DENND10: variants seen among roughly 807,000 people sequenced by gnomAD.
DENND10 encodes DENN domain containing 10, also known as DENN domain-containing protein 10.
A neutral mutation model predicts 43.6 loss-of-function variants in DENND10; 24 were observed. That is an observed-to-expected ratio of 0.55 (90% CI 0.40 to 0.77). The LOEUF is 0.77. DENND10 is among the 30% of genes least tolerant of loss of function. DENND10 has a pLI of 0.00. For synonymous variants in DENND10, 125 were observed against 157.6 expected (o/e 0.79, Z 1.55); for missense variants, 303 against 429.9 (o/e 0.70, Z 2.61).
intron 6 of DENND10, among the ~76,000 whole-genome samples, chr10:119,124,317 G>A (rs1268062613): frequency 3.3e-5 from 5 of 150,190 alleles, no homozygotes; most frequent in African/African-American, 1.2e-4. Flanking sequence ...CCTGAGCTCA[G>A]GAGTTTGAGA....
chr10:119,137,467 T>C lies in DENND10; in HGVS notation c.*820T>C, dbSNP rs879049065. The C allele has an allele frequency of 6.0e-6, 1 of 166,730 alleles. No homozygotes were observed. The highest frequency in any genetic ancestry group is 1.5e-5 in the Non-Finnish European group (1 of 68,084). 10.3% of individuals were successfully genotyped at this position (166,730 alleles called of 1,614,324 possible). ...ATTGCTAAGGGAATATGAGATTAAC[T>C]TCCTACAGGGGCCAAAACCAGAGAA... On this transcript the variant is annotated 3_prime_UTR_variant, in exon 9 of 9. Transcript: ENST00000361432.
At chr10:119,128,391 C>T (rs971223274) in intron 6 of DENND10, among the ~76,000 whole-genome samples, 4 of 151,698 alleles carry the variant, frequency 2.6e-5, no homozygotes, top group Admixed American at 1.3e-4. Context: ...AGGCGGATCA[C>T]GAGGTCAGGA....
intron 3 of DENND10, among the ~76,000 whole-genome samples, chr10:119,116,652 T>C (rs925091786): frequency 1.1e-5 from 1 of 92,434 alleles, no homozygotes; most frequent in Non-Finnish European, 2.1e-5. Flanking sequence ...CTTTTTCTTT[T>C]CTTTCTTTCT....
rs1345112096 is a variant in DENND10, at chr10:119,104,157, G to A, written c.15G>A (p.Glu5=). 4 of 1,519,544 alleles carry A rather than the reference G, an allele frequency of 2.6e-6. No homozygotes were observed. Among genetic ancestry groups the A allele is most frequent in the Non-Finnish European group, 2.6e-6 (3 of 1,135,384 alleles). The allele number at this position is 1,519,544 out of a possible 1,614,324, so 94.1% of individuals were successfully genotyped here. The change falls in exon 1 of 9, where the codon GAG becomes GAA. Residue 5 remains glutamate, a synonymous_variant. Coordinates refer to ENST00000361432, the MANE Select transcript of DENND10 (RefSeq NM_207009.4). MAAA[E]VADTQLMLGV... ...GGCGGCGGAAGATGGCTGCGGCCGAGGTGGCGGACACTCAGCTGATGCTTG... is the reference window on the plus strand; with the variant it reads ...GGCGGCGGAAGATGGCTGCGGCCGAAGTGGCGGACACTCAGCTGATGCTTG...
intron 4 of DENND10, among the ~76,000 whole-genome samples, chr10:119,118,448 C>T (rs1845401395): frequency 6.6e-6 from 1 of 152,168 alleles, no homozygotes; most frequent in African/African-American, 2.4e-5. Flanking sequence ...ATGCAGACAG[C>T]TCAGGCCTAA....
intron 2 of DENND10, among the ~76,000 whole-genome samples, chr10:119,111,621 AT>A (rs1348536068): frequency 6.6e-6 from 1 of 151,906 alleles, no homozygotes; most frequent in Non-Finnish European, 1.5e-5. Flanking sequence ...ATTTCTGAAA[AT>A]TTTTTCTCTA....
chr10:119,135,733 A>C (rs1190248698), intron 8 of DENND10, among the ~76,000 whole-genome samples: 6 of 142,410 alleles, frequency 4.2e-5, no homozygotes, highest in African/African-American at 1.6e-4. Flanking sequence ...ATGGTTGTGC[A>C]ACGCTGCAAA....
In DENND10 at chr10:119,132,639, A is replaced by G. The variant is rs1278269552; in HGVS notation, c.897+30A>G. The G allele has an allele frequency of 1.9e-6, 3 of 1,571,260 alleles. No homozygotes were observed. The African/African-American group carries it at 4.0e-5, about 21-fold the overall frequency. On this transcript the variant is annotated intron_variant, in intron 8 of 8. Coordinates refer to ENST00000361432, the MANE Select transcript of DENND10 (RefSeq NM_207009.4). The surrounding 1 kb of genome is among the most constrained non-coding windows in gnomAD (Gnocchi z 4.2). ...CTCCCTCACCTTCTGACTTACTGAA[A>G]GTCCTGACCCGGTGTCGCTGGGTGG...
chr10:119,117,428 C>A, intron 3 of DENND10, 91 bp from the exon 4 acceptor site: 1 of 1,382,966 alleles, frequency 7.2e-7, no homozygotes, highest in South Asian at 1.4e-5. Flanking sequence ...GCCTCGGATT[C>A]TTGAGAAGGC....
intron 2 of DENND10, among the ~76,000 whole-genome samples, chr10:119,109,811 A>C (rs1054555732): frequency 2.7e-5 from 4 of 150,284 alleles, no homozygotes; most frequent in Admixed American, 2.7e-4. Flanking sequence ...TTTAACTTCA[A>C]TTTTTAATTT....
Position 119,117,560 on chromosome 10 carries a change from G to A in DENND10, c.374G>A (p.Ser125Asn). 2 of 1,613,270 alleles carry A rather than the reference G, an allele frequency of 1.2e-6. No individual in the cohort carries two copies. Among genetic ancestry groups the A allele is most frequent in the Non-Finnish European group, 1.7e-6 (2 of 1,179,578 alleles). ...KHGSPVKMME[S>N]YIAVLTKGIC... ...GGGAGCCCAGTTAAAATGATGGAGA[G>A]TTATATTGCAGTTCTCACAAAGGGG... The change falls in exon 4 of 9, where the codon AGT becomes AAT. Residue 125 changes from serine to asparagine, a missense_variant. Transcript: ENST00000361432.
At chr10:119,121,442 G>T (rs912203493) in intron 5 of DENND10, among the ~76,000 whole-genome samples, 37 of 142,248 alleles carry the variant, frequency 2.6e-4, no homozygotes, top group African/African-American at 9.6e-4. Context: ...CAGCCATTAG[G>T]TCCTTTTTTT....
intron 4 of DENND10, among the ~76,000 whole-genome samples, chr10:119,118,697 G>A (rs572175731): frequency 1.3e-5 from 2 of 152,124 alleles, no homozygotes; most frequent in East Asian, 3.9e-4. Flanking sequence ...TTGAGACAGG[G>A]TCTTGCTTTG....
chr10:119,132,802 T>C lies in DENND10; in HGVS notation c.897+193T>C. On this transcript the variant is annotated intron_variant, in intron 8 of 8. Transcript: ENST00000361432. The surrounding 1 kb of genome is among the most constrained non-coding windows in gnomAD (Gnocchi z 4.2). ...AGGCTGGCCTGATCTAGTTAGTTAC[T>C]GGGCTCGAGGGCAGGTATACACAGG... 1 of 592,282 alleles carries C rather than the reference T, an allele frequency of 1.7e-6. No homozygotes were observed. 36.7% of individuals were successfully genotyped at this position (592,282 alleles called of 1,614,324 possible).
chr10:119,114,810 C>T (rs1845167095), intron 3 of DENND10, among the ~76,000 whole-genome samples: 1 of 151,370 alleles, frequency 6.6e-6, no homozygotes, highest in Non-Finnish European at 1.5e-5. Flanking sequence ...CACTCTGTCA[C>T]CCAGGCTGGA....
chr10:119,117,446 C>T (rs1479755239), intron 3 of DENND10, 73 bp from the exon 4 acceptor site: 38 of 1,514,900 alleles, frequency 2.5e-5, no homozygotes, highest in Non-Finnish European at 2.3e-5. Flanking sequence ...GGCACCCATA[C>T]CAGCCTGGGT....
At chr10:119,113,368 A>G (rs1258421620) in intron 3 of DENND10, among the ~76,000 whole-genome samples, 1 of 148,764 alleles carries the variant, frequency 6.7e-6, no homozygotes, top group Non-Finnish European at 1.5e-5. Flanking sequence ...TAAAAAATAT[A>G]TATATATTTT....
chr10:119,125,322 A>C (rs1845774160), intron 6 of DENND10, among the ~76,000 whole-genome samples: 1 of 150,926 alleles, frequency 6.6e-6, no homozygotes, highest in Non-Finnish European at 1.5e-5. Context: ...TTTTTTTTTC[A>C]TCTTAACTTT....
rs569499525 is a variant in DENND10, at chr10:119,135,467, G to A, written c.898-1004G>A. Among the ~76,000 whole-genome samples, 3 of 151,278 alleles carry A rather than the reference G, an allele frequency of 2.0e-5. No homozygotes were observed. In the East Asian group the frequency reaches 5.8e-4, roughly 29 times the overall value. ...GAATGTTTTGAATGTGGCTTTTGTTGGGGGGGAGAAAAGGAATAGAATTCT... is the reference window on the plus strand; with the variant it reads ...GAATGTTTTGAATGTGGCTTTTGTTAGGGGGGAGAAAAGGAATAGAATTCT... On this transcript the variant is annotated intron_variant, in intron 8 of 8. Coordinates refer to ENST00000361432, the MANE Select transcript of DENND10 (RefSeq NM_207009.4).
Sources: allele counts gnomAD v4.1 joint callset (sites outside exome capture counted in the v4.1 genomes callset), GRCh38; gene constraint gnomAD v4.1.1; non-coding constraint Gnocchi (gnomAD v3.1); transcripts MANE v1.5; gene names NCBI Gene and HGNC (gene_info 2026-07-23, HGNC 2026-07-21).